Variants in FAM237A observed in about 807,000 individuals in gnomAD.
The protein encoded by FAM237A is protein FAM237A.
A neutral mutation model predicts 12.5 loss-of-function variants in FAM237A; 14 were observed. That is an observed-to-expected ratio of 1.12 (90% CI 0.74 to 1.75). The LOEUF (loss-of-function observed/expected upper bound fraction) is 1.75. FAM237A is among the 40% of genes most tolerant of loss of function. The pLI is 0.00. For synonymous variants in FAM237A, 85 were observed against 77.5 expected (o/e 1.10, Z -0.51); for missense variants, 240 against 211.7 (o/e 1.13, Z -0.83).
intron 2 of FAM237A, among the ~76,000 whole-genome samples, chr2:206,645,952 T>TC (rs1485355901): frequency 1.3e-5 from 2 of 152,134 alleles, no homozygotes; most frequent in African/African-American, 4.8e-5. Context: ...GACCATGGTT[T>TC]TTTTTTTTAT....
intron 2 of FAM237A, among the ~76,000 whole-genome samples, chr2:206,645,038 A>C (rs12471404): frequency 0.018 from 2,764 of 152,356 alleles, 36 homozygotes; most frequent in Middle Eastern, 0.048. Context: ...AATTGAGAAG[A>C]CTTGAATATA....
intron 2 of FAM237A, among the ~76,000 whole-genome samples, chr2:206,645,024 G>A (rs939334957): frequency 4.6e-5 from 7 of 152,170 alleles, no homozygotes; most frequent in South Asian, 2.1e-4. Flanking sequence ...TTTACTTGCC[G>A]TGGAATTGAG....
In FAM237A at chr2:206,648,665, A is replaced by G. The variant is rs758014091; in HGVS notation, c.417A>G (p.Thr139=). 1 of 1,588,638 alleles carries G rather than the reference A, an allele frequency of 6.3e-7. No individual in the cohort carries two copies. Among genetic ancestry groups the G allele is most frequent in the Admixed American group, 1.8e-5 (1 of 55,978 alleles). The change falls in exon 3 of 3, where the codon ACA becomes ACG. Residue 139 remains threonine (T), a synonymous_variant. Coordinates refer to ENST00000441223, the MANE Select transcript of FAM237A (RefSeq NM_001102659.3). ...QPQHTRSKQG[T]YSQLLRTSFL... ...GTTCCGCTTTTCTACTTTCAGGTAC[A>G]TATTCTCAGCTCCTAAGGACCTCCT...
Position 206,642,540 on chromosome 2 carries a change from G to A in FAM237A, c.-53G>A. The A allele has an allele frequency of 6.5e-6, 1 of 153,232 alleles. No homozygotes were observed. Among genetic ancestry groups the A allele is most frequent in the Non-Finnish European group, 1.5e-5 (1 of 68,884 alleles). 9.5% of individuals were successfully genotyped at this position (153,232 alleles called of 1,614,324 possible). ...GGGGCCAGGCGGGTGAGTGCGGAGG[G>A]AAGCCCTTGTGCCATCTGGGAGTAG... On this transcript the variant is annotated 5_prime_UTR_variant, in exon 1 of 3. Transcript: ENST00000441223. This position sits in a 1 kb window ranked among gnomAD's most constrained non-coding sequence, Gnocchi z 5.1.
Position 206,648,553 on chromosome 2 carries a change from T to C in FAM237A, c.413-108T>C, listed in dbSNP as rs1574581548. 1.0e-5 allele frequency: 11 copies of C among 1,091,748 alleles called. No individual in the cohort carries two copies. The East Asian group carries it at 2.5e-4, about 25-fold the overall frequency. The allele number at this position is 1,091,748 out of a possible 1,614,324, so 67.6% of individuals were successfully genotyped here. The stretch of plus-strand genomic sequence containing the variant: ...AATCAATTTATAGAGAATTTTGATA[T>C]TGGAGTGGCAGAAACATCAAACCTG... On this transcript the variant is annotated intron_variant, in intron 2 of 2. Transcript: ENST00000441223.
chr2:206,643,579 T>C (rs1438723491), intron 1 of FAM237A: 1 of 152,188 alleles, frequency 6.6e-6, no homozygotes, highest in Non-Finnish European at 1.5e-5. Flanking sequence ...ATTATCTTTA[T>C]GAAAGTTATA....
At chr2:206,646,318 T>A (rs1177219006) in intron 2 of FAM237A, among the ~76,000 whole-genome samples, 1 of 149,912 alleles carries the variant, frequency 6.7e-6, no homozygotes, top group Admixed American at 6.6e-5. Flanking sequence ...AAAAAAAAAA[T>A]CATATTTAGC....
intron 2 of FAM237A, among the ~76,000 whole-genome samples, chr2:206,648,115 T>G (rs943253960): frequency 3.9e-5 from 6 of 152,192 alleles, no homozygotes; most frequent in Non-Finnish European, 7.3e-5. Context: ...CTAAGCCACA[T>G]ACTCAGCAAT....
chr2:206,644,120 A>G lies in FAM237A; in HGVS notation c.-10-107A>G, dbSNP rs1455223256. On this transcript the variant is annotated intron_variant, in intron 1 of 2. Coordinates refer to ENST00000441223, the MANE Select transcript of FAM237A (RefSeq NM_001102659.3). Reference sequence around the variant, plus strand: ...GCTAAGATTTCCCTACTTTGTGACAATGATGTGTTTCCTTTGCTGGAAGTA... The same window carrying G: ...GCTAAGATTTCCCTACTTTGTGACAGTGATGTGTTTCCTTTGCTGGAAGTA... 3.8e-6 allele frequency: 4 copies of G among 1,049,170 alleles called. No homozygotes were observed. The African/African-American group carries it at 4.8e-5, about 13-fold the overall frequency. 65.0% of individuals were successfully genotyped at this position (1,049,170 alleles called of 1,614,324 possible). A position where few individuals can be genotyped will look rare whatever the true frequency, so the allele number is the denominator to read the frequency against.
At chr2:206,647,453 A>T (rs1402130225) in intron 2 of FAM237A, among the ~76,000 whole-genome samples, 1 of 152,214 alleles carries the variant, frequency 6.6e-6, no homozygotes, top group South Asian at 2.1e-4. Flanking sequence ...AGATGTCATT[A>T]TGAGAAAAGC....
intron 1 of FAM237A, among the ~76,000 whole-genome samples, chr2:206,643,162 C>G (rs1025560271): frequency 6.6e-6 from 1 of 152,094 alleles, no homozygotes; most frequent in Non-Finnish European, 1.5e-5. Context: ...ATTAAATATT[C>G]CAATATAAGA....
At position 206,644,521 on chromosome 2, in the gene FAM237A, C is replaced by CCAACT; in HGVS notation, c.287_291dup (p.Phe98AsnfsTer18). On this transcript the variant is annotated frameshift_variant, in exon 2 of 3. Coordinates refer to ENST00000441223, the MANE Select transcript of FAM237A (RefSeq NM_001102659.3). LOFTEE classifies it high-confidence loss of function. Reference sequence around the variant, plus strand: ...ATGGAGCACTGTTTTGGGATCTGGCCCAACTCTTCTGGGACATCTATGTGG... The same window carrying CCAACT: ...ATGGAGCACTGTTTTGGGATCTGGCCCAACTCAACTCTTCTGGGACATCTATGTGG... The CCAACT allele has an allele frequency of 6.2e-7, 1 of 1,613,942 alleles. No individual in the cohort carries two copies. Among genetic ancestry groups the CCAACT allele is most frequent in the Non-Finnish European group, 8.5e-7 (1 of 1,179,882 alleles).
intron 2 of FAM237A, among the ~76,000 whole-genome samples, chr2:206,645,073 C>A (rs1175570797): frequency 6.6e-6 from 1 of 152,204 alleles, no homozygotes; most frequent in Non-Finnish European, 1.5e-5. Context: ...TTGCAGCACA[C>A]AAATTCTTGC....
chr2:206,647,069 CAT>C (rs1231445172), intron 2 of FAM237A, among the ~76,000 whole-genome samples: 1 of 152,140 alleles, frequency 6.6e-6, no homozygotes, highest in Non-Finnish European at 1.5e-5. Context: ...TTGTTAAAAA[CAT>C]AAAACTCCTA....
intron 2 of FAM237A, among the ~76,000 whole-genome samples, chr2:206,646,880 G>A (rs1056041389): frequency 6.6e-6 from 1 of 152,114 alleles, no homozygotes; most frequent in East Asian, 1.9e-4. Flanking sequence ...AGGTTGGGAC[G>A]GGAGTGAAGG....
rs995018764 is a variant in FAM237A, at chr2:206,648,951, A to ATTAT, written c.*172_*175dup. The ATTAT allele has an allele frequency of 6.8e-6, 3 of 438,784 alleles. No individual in the cohort carries two copies. The highest frequency in any genetic ancestry group is 2.1e-5 in the African/African-American group (1 of 47,682). The allele number at this position is 438,784 out of a possible 1,614,324, so 27.2% of individuals were successfully genotyped here. ...GTATACTAATTTAAAGCTGCCTTCT[A>ATTAT]TTATTTATTTATTTATTTTAGGCTG... is the stretch of plus-strand genomic sequence containing the variant. On this transcript the variant is annotated 3_prime_UTR_variant, in exon 3 of 3. Coordinates refer to ENST00000441223, the MANE Select transcript of FAM237A (RefSeq NM_001102659.3).
Position 206,648,738 on chromosome 2 carries a change from C to T in FAM237A, c.490C>T (p.Arg164Cys), listed in dbSNP as rs750888885. ...TGAAGATTTGATAAGCATGCATGTG[C>T]GTAGGAGTGGGTCTAGTGTCATTGG... ...LIEDLISMHVRRSGSSVIGKV... is the reference protein window; with the variant it reads ...LIEDLISMHVCRSGSSVIGKV... The change falls in exon 3 of 3, where the codon CGT becomes TGT. Residue 164 changes from arginine to cysteine, a missense_variant. By Grantham distance (180) the Arg-to-Cys change is radical. Coordinates refer to ENST00000441223, the MANE Select transcript of FAM237A (RefSeq NM_001102659.3). 6.4e-7 allele frequency: 1 copy of T among 1,570,846 alleles called. No individual in the cohort carries two copies. The highest frequency in any genetic ancestry group is 8.6e-7 in the Non-Finnish European group (1 of 1,156,342).
In FAM237A at chr2:206,644,343, A is replaced by G. The variant is rs1236700311; in HGVS notation, c.107A>G (p.Gln36Arg). Residue 36 changes from glutamine to arginine, a missense_variant, in exon 2 of 3, where the codon CAG becomes CGG. Gln to Arg is a conservative substitution (Grantham distance 43). Transcript: ENST00000441223. The part of the protein sequence containing the change: ...CCVSPFFCHS[Q>R]TDLLALSQAD... ...GTATCTCCTTTCTTCTGCCATAGCC[A>G]GACAGACTTGCTGGCTCTTAGCCAA... 1 of 1,613,660 alleles carries G rather than the reference A, an allele frequency of 6.2e-7. No individual in the cohort carries two copies. Among genetic ancestry groups the G allele is most frequent in the Non-Finnish European group, 8.5e-7 (1 of 1,179,740 alleles).
rs1429221190 is a variant in FAM237A at position 206,644,389 on chromosome 2, ATCC to A, written c.159_161del (p.Ser54del). 1.9e-6 allele frequency: 3 copies of A among 1,613,716 alleles called. No homozygotes were observed. The highest frequency in any genetic ancestry group is 2.5e-6 in the Non-Finnish European group (3 of 1,179,822). On this transcript the variant is annotated inframe_deletion, in exon 2 of 3. Transcript: ENST00000441223. ...GCCAAGCTGATCCTCAGTGCTGGGA[ATCC>A]TCCTCAGTGCTTCTCCTGGAAATGT...
Sources: allele counts gnomAD v4.1 joint callset (sites outside exome capture counted in the v4.1 genomes callset), GRCh38; gene constraint gnomAD v4.1.1; non-coding constraint Gnocchi (gnomAD v3.1); transcripts MANE v1.5; gene names NCBI Gene and HGNC (gene_info 2026-07-23, HGNC 2026-07-21).